The following IQCH variants were observed in gnomAD, a reference collection of about 807,000 sequenced individuals.
IQCH encodes IQ domain-containing protein H.
Under a neutral mutation model 117.0 loss-of-function variants are expected in IQCH, and 98 were observed. The observed-to-expected ratio is 0.84, with a 90% CI of 0.71 to 0.99. The LOEUF (loss-of-function observed/expected upper bound fraction) is 0.99, where lower values mean the gene tolerates loss of function less well. Ranked by LOEUF, IQCH falls within the 50% of genes least tolerant of loss-of-function variation. IQCH has a pLI of 0.00. For missense variants in IQCH, 1,102 were observed against 1,243.8 expected, an observed-to-expected ratio of 0.89 and a Z score of 1.72; for synonymous variants, 412 against 448.2, an observed-to-expected ratio of 0.92 and a Z score of 1.02.
intron 4 of IQCH, among the ~76,000 whole-genome samples, chr15:67,287,812 CTTT>C (rs1361867009): frequency 6.6e-6 from 1 of 151,750 alleles, no homozygotes; most frequent in Non-Finnish European, 1.5e-5. Flanking sequence ...TTTTCTAGTT[CTTT>C]AAGATGTATT....
rs1389930242 is a variant in IQCH, at chr15:67,426,268, AAC to A, written c.2505+4697_2505+4698del. 2.0e-5 allele frequency among the ~76,000 whole-genome samples: 3 copies of A among 152,204 alleles called. No individual in the cohort carries two copies. The highest frequency in any genetic ancestry group is 4.4e-5 in the Non-Finnish European group (3 of 68,040). ...AGTTATACACACATATATGCATATA[AAC>A]ACACATATGTACATATACATACATC... On this transcript the variant is annotated intron_variant, in intron 16 of 20. Transcript: ENST00000335894. This position sits in a 1 kb window ranked among gnomAD's most constrained non-coding sequence, Gnocchi z 5.1.
At chr15:67,332,262 G>T (rs1055167391) in intron 4 of IQCH, among the ~76,000 whole-genome samples, 2 of 152,162 alleles carry the variant, frequency 1.3e-5, no homozygotes, top group Admixed American at 1.3e-4. Flanking sequence ...TTAAATATTT[G>T]GATTTCAAAG....
Position 67,395,152 on chromosome 15 carries a change from T to C in IQCH, c.1633-139T>C. 1 of 949,930 alleles carries C rather than the reference T, an allele frequency of 1.1e-6. No individual in the cohort carries two copies. The highest frequency in any genetic ancestry group is 1.6e-6 in the Non-Finnish European group (1 of 637,644). 58.8% of individuals were successfully genotyped at this position (949,930 alleles called of 1,614,324 possible). On this transcript the variant is annotated intron_variant, in intron 12 of 20. Transcript: ENST00000335894. This position sits in a 1 kb window ranked among gnomAD's most constrained non-coding sequence, Gnocchi z 4.0. ...ACCTCACCCCAACAGCTTTTATCAA[T>C]TTAAACTGCTAAACAACAGGATAGG...
chr15:67,438,010 G>A (rs2082179978), intron 16 of IQCH, among the ~76,000 whole-genome samples: 1 of 152,168 alleles, frequency 6.6e-6, no homozygotes, highest in Non-Finnish European at 1.5e-5. Flanking sequence ...CCGGCCTTGT[G>A]AGAGACCTAG....
chr15:67,336,022 C>G (rs774617884), intron 4 of IQCH, among the ~76,000 whole-genome samples: 1 of 151,778 alleles, frequency 6.6e-6, no homozygotes, highest in Non-Finnish European at 1.5e-5. Context: ...ATTGTGCAAC[C>G]GAGTCCAATG....
rs961249428 is a variant in IQCH, at chr15:67,411,864, G to C, written c.2098-5067G>C. ...CCTTCAAATTTACACTTTCTTGATA[G>C]AAAAAGAGAGAGCAAGAGGCAAGTT... is the stretch of plus-strand genomic sequence containing the variant. On this transcript the variant is annotated intron_variant, in intron 14 of 20. Coordinates refer to ENST00000335894, the MANE Select transcript of IQCH (RefSeq NM_001031715.3). The surrounding 1 kb of genome is among the most constrained non-coding windows in gnomAD (Gnocchi z 4.4). Among the ~76,000 whole-genome samples, 1 of 152,174 alleles carries C rather than the reference G, an allele frequency of 6.6e-6. No individual in the cohort carries two copies. Among genetic ancestry groups the C allele is most frequent in the Non-Finnish European group, 1.5e-5 (1 of 68,042 alleles).
chr15:67,395,646 C>A lies in IQCH; in HGVS notation c.1905+83C>A. The A allele has an allele frequency of 8.3e-7, 1 of 1,210,970 alleles. No individual in the cohort carries two copies. Among genetic ancestry groups the A allele is most frequent in the Non-Finnish European group, 1.2e-6 (1 of 850,406 alleles). The allele number at this position is 1,210,970 out of a possible 1,614,324, so 75.0% of individuals were successfully genotyped here. On this transcript the variant is annotated intron_variant, in intron 13 of 20. Coordinates refer to ENST00000335894, the MANE Select transcript of IQCH (RefSeq NM_001031715.3). The surrounding 1 kb of genome is among the most constrained non-coding windows in gnomAD (Gnocchi z 4.0). ...TGGACAATTTCCAAGTCTTCTGGAG[C>A]CAGACCTACCCAATGAAGAATAGGT...
At position 67,403,778 on chromosome 15, in the gene IQCH, CT is replaced by C. The variant is rs1345660450; in HGVS notation, c.2097+3479del. Reference sequence around the variant, plus strand: ...TTTACTGTGGTACCAGTCCTTGTGGCTTTTTTCCATTTTTTTCTTTAAGGGT... The same window carrying C: ...TTTACTGTGGTACCAGTCCTTGTGGCTTTTTCCATTTTTTTCTTTAAGGGT... On this transcript the variant is annotated intron_variant, in intron 14 of 20. Coordinates refer to ENST00000335894, the MANE Select transcript of IQCH (RefSeq NM_001031715.3). The surrounding 1 kb of genome is among the most constrained non-coding windows in gnomAD (Gnocchi z 4.8). 5 of 152,220 alleles carry C rather than the reference CT, an allele frequency of 3.3e-5. No homozygotes were observed. The East Asian group carries it at 7.7e-4, about 23-fold the overall frequency. 9.4% of individuals were successfully genotyped at this position (152,220 alleles called of 1,614,324 possible).
At position 67,356,294 on chromosome 15, in the gene IQCH, C is replaced by T. The variant is rs1045741788; in HGVS notation, c.638-1051C>T. Among the ~76,000 whole-genome samples, 1 of 152,016 alleles carries T rather than the reference C, an allele frequency of 6.6e-6. No homozygotes were observed. The highest frequency in any genetic ancestry group is 6.5e-5 in the Admixed American group (1 of 15,268). ...GACTACAAGTCACAGGGAAGCTTGC[C>T]GGAAGCCAGGGAAACCAGAGGGTTG... On this transcript the variant is annotated intron_variant, in intron 6 of 20. Transcript: ENST00000335894. This position sits in a 1 kb window ranked among gnomAD's most constrained non-coding sequence, Gnocchi z 5.3.
intron 1 of IQCH, 75 bp from the exon 2 acceptor site, chr15:67,261,197 C>A: frequency 9.3e-7 from 1 of 1,070,968 alleles, no homozygotes; most frequent in Non-Finnish European, 1.3e-6. Flanking sequence ...ACATTGCAAA[C>A]CTTTAAGATA....
intron 3 of IQCH, among the ~76,000 whole-genome samples, chr15:67,270,498 G>C (rs1726864534): frequency 1.3e-5 from 2 of 152,218 alleles, no homozygotes; most frequent in South Asian, 4.1e-4. Flanking sequence ...GTTAGAGGTG[G>C]AACCTGATGG....
At chr15:67,312,200 C>T (rs1019574415) in intron 4 of IQCH, among the ~76,000 whole-genome samples, 1 of 151,812 alleles carries the variant, frequency 6.6e-6, no homozygotes, top group Admixed American at 6.6e-5. Context: ...TACAGGGGTC[C>T]ATGGGTAGAA....
At position 67,355,490 on chromosome 15, in the gene IQCH, C is replaced by T. The variant is rs576775476; in HGVS notation, c.638-1855C>T. Among the ~76,000 whole-genome samples the T allele has an allele frequency of 2.6e-5, 4 of 151,474 alleles. No individual in the cohort carries two copies. In the South Asian group the frequency reaches 8.3e-4, roughly 32 times the overall value. On this transcript the variant is annotated intron_variant, in intron 6 of 20. Coordinates refer to ENST00000335894, the MANE Select transcript of IQCH (RefSeq NM_001031715.3). ...CTGTAGTCTCAGCTATTCTGGAGGC[C>T]GAAGCAGGAGAATGGTGTGAACCTG...
In IQCH at chr15:67,465,064, G is replaced by C; in HGVS notation, c.2506-63G>C. On this transcript the variant is annotated intron_variant, in intron 16 of 20. Transcript: ENST00000335894. The surrounding 1 kb of genome is among the most constrained non-coding windows in gnomAD (Gnocchi z 5.9). The stretch of plus-strand genomic sequence containing the variant: ...ATGTAGTTTGGTCTGGTTAGGCAGA[G>C]GTGGGGCCTTCGCTGCTGTTTGCTG... 1 of 1,543,480 alleles carries C rather than the reference G, an allele frequency of 6.5e-7. No homozygotes were observed. The highest frequency in any genetic ancestry group is 8.9e-7 in the Non-Finnish European group (1 of 1,126,248).
At chr15:67,402,494 G>T (rs1013946750) in intron 14 of IQCH, among the ~76,000 whole-genome samples, 1 of 152,146 alleles carries the variant, frequency 6.6e-6, no homozygotes, top group Admixed American at 6.6e-5. Flanking sequence ...CATCGTAATG[G>T]TGCACATTTA....
Position 67,481,653 on chromosome 15 carries a change from C to T in IQCH, c.2799+5835C>T, listed in dbSNP as rs1161986851. On this transcript the variant is annotated intron_variant, in intron 18 of 20. Transcript: ENST00000335894. The surrounding 1 kb of genome is among the most constrained non-coding windows in gnomAD (Gnocchi z 4.1). ...AAAGGGTATAGCTCTCCTACTGAAG[C>T]CTCATAGGCTTAAGATAACTGAAAT... Among the ~76,000 whole-genome samples the T allele has an allele frequency of 6.6e-6, 1 of 152,090 alleles. No individual in the cohort carries two copies. The highest frequency in any genetic ancestry group is 1.5e-5 in the Non-Finnish European group (1 of 68,018).
rs3743348 is a variant in IQCH, at chr15:67,255,011, C to A, written c.51+64C>A. Reference sequence around the variant, plus strand: ...CGCGCCACTTCCGAGCGAGGTCCCGCGCGCCGATTCACCGACGCTCACCCA... The same window carrying A: ...CGCGCCACTTCCGAGCGAGGTCCCGAGCGCCGATTCACCGACGCTCACCCA... On this transcript the variant is annotated intron_variant, in intron 1 of 20. Transcript: ENST00000335894. 7.1e-4 allele frequency: 1,056 copies of A among 1,495,368 alleles called. 14 individuals are homozygous for A. The East Asian group carries it at 0.016, about 22-fold the overall frequency. The allele number at this position is 1,495,368 out of a possible 1,614,324, so 92.6% of individuals were successfully genotyped here.
chr15:67,442,217 C>A (rs535428324), intron 16 of IQCH, among the ~76,000 whole-genome samples: 1 of 151,676 alleles, frequency 6.6e-6, no homozygotes, highest in South Asian at 2.1e-4. Context: ...TGGAGACCAG[C>A]CTGACCGACA....
Position 67,336,667 on chromosome 15 carries a change from C to T in IQCH, c.388-308C>T, listed in dbSNP as rs72745453. ...CAAAACCTCCTCTGTCAAGATTTAG[C>T]ATTTGTATATTGTAGTCATTAAAAT... On this transcript the variant is annotated intron_variant, in intron 4 of 20. Coordinates refer to ENST00000335894, the MANE Select transcript of IQCH (RefSeq NM_001031715.3). Among the ~76,000 whole-genome samples, 661 of 152,240 alleles carry T rather than the reference C, an allele frequency of 4.3e-3. 3 individuals are homozygous for T. Among genetic ancestry groups the T allele is most frequent in the Non-Finnish European group, 8.0e-3 (545 of 68,000 alleles).
Sources: gnomAD v4.1 joint callset for allele counts (sites outside exome capture counted in the v4.1 genomes callset) on GRCh38, gnomAD v4.1.1 for gene constraint, Gnocchi (gnomAD v3.1) non-coding constraint, MANE v1.5 for transcripts, NCBI Gene and HGNC (gene_info 2026-07-23, HGNC 2026-07-21) for gene names.